The following SLC8A2 variants were observed in gnomAD, a reference collection of about 807,000 sequenced individuals.
The protein encoded by SLC8A2 is solute carrier family 8 member A2.
In SLC8A2, 14 loss-of-function variants were observed where a neutral mutation model predicts 70.2. The ratio of observed to expected loss-of-function variants is 0.20; its 90% CI spans 0.13 to 0.31. SLC8A2 has a LOEUF of 0.31. SLC8A2 is among the 10% of genes least tolerant of loss of function. The pLI is 1.00. For synonymous variants in SLC8A2, 575 were observed against 594.3 expected, an observed-to-expected ratio of 0.97 and a Z score of 0.47; for missense variants, 779 against 1,320.1, an observed-to-expected ratio of 0.59 and a Z score of 6.35.
chr19:47,431,853 C>A (rs567459209), intron 9 of SLC8A2, among the ~76,000 whole-genome samples: 1 of 152,110 alleles, frequency 6.6e-6, no homozygotes, highest in Admixed American at 6.5e-5. Flanking sequence ...TTCCTAGGAA[C>A]CCCTCTCCCC....
intron 1 of SLC8A2, among the ~76,000 whole-genome samples, chr19:47,469,422 C>T (rs1334628593): frequency 2.0e-5 from 3 of 152,120 alleles, no homozygotes; most frequent in Admixed American, 6.5e-5. Context: ...GAGGAAGCCT[C>T]GGCCTGGGAA....
At chr19:47,439,617 TCTTCCTTCCTTC>T (rs149487413) in intron 6 of SLC8A2, among the ~76,000 whole-genome samples, 1 of 145,812 alleles carries the variant, frequency 6.9e-6, no homozygotes, top group African/African-American at 2.6e-5. Flanking sequence ...TTCCTTCCTT[TCTTCCTTCCTTC>T]CTTCCTTCCT....
chr19:47,439,100 G>A lies in SLC8A2; in HGVS notation c.1886-1127C>T, dbSNP rs2122619123. Among the ~76,000 whole-genome samples the A allele has an allele frequency of 2.0e-5, 3 of 152,136 alleles. No individual in the cohort carries two copies. In the East Asian group the frequency reaches 5.8e-4, roughly 29 times the overall value. On this transcript the variant is annotated intron_variant, in intron 6 of 9. Coordinates refer to ENST00000236877, the MANE Select transcript of SLC8A2 (RefSeq NM_015063.3). The stretch of plus-strand genomic sequence containing the variant: ...CCCGAAAACCTCCCATGTGAGCCTC[G>A]AAACTCTCTTGCCCTGTTCACCAGC...
chr19:47,443,040 G>A (rs557760131), intron 4 of SLC8A2, among the ~76,000 whole-genome samples: 11 of 152,102 alleles, frequency 7.2e-5, no homozygotes, highest in Admixed American at 3.9e-4. Flanking sequence ...TTTATTGTTC[G>A]TCATTTACCA....
intron 8 of SLC8A2, among the ~76,000 whole-genome samples, chr19:47,436,341 G>C (rs544490941): frequency 2.0e-5 from 3 of 152,130 alleles, no homozygotes; most frequent in Non-Finnish European, 2.9e-5. Flanking sequence ...TCCTGCACTG[G>C]GCTGTAAGCT....
chr19:47,470,670 G>A (rs1020745758), intron 1 of SLC8A2, among the ~76,000 whole-genome samples: 1 of 152,188 alleles, frequency 6.6e-6, no homozygotes. Flanking sequence ...TGGACAAACA[G>A]CAAGAGGTAT....
chr19:47,446,519 G>A (rs1467801961), intron 4 of SLC8A2, among the ~76,000 whole-genome samples: 2 of 152,176 alleles, frequency 1.3e-5, no homozygotes, highest in East Asian at 3.9e-4. Flanking sequence ...CACCTAACTC[G>A]TGGGCTCAAG....
At chr19:47,439,442 G>A (rs1178843078) in intron 6 of SLC8A2, among the ~76,000 whole-genome samples, 1 of 152,118 alleles carries the variant, frequency 6.6e-6, no homozygotes, top group Non-Finnish European at 1.5e-5. Context: ...TGAGGCAGGA[G>A]AATCTCTTGA....
chr19:47,458,154 T>C (rs1433878605), intron 2 of SLC8A2, among the ~76,000 whole-genome samples: 1 of 151,814 alleles, frequency 6.6e-6, no homozygotes, highest in Non-Finnish European at 1.5e-5. Context: ...TCTTTGTTCA[T>C]CTCTGCCTCT....
At position 47,447,719 on chromosome 19, in the gene SLC8A2, A is replaced by G; in HGVS notation, c.1763+90T>C. 3 of 1,328,528 alleles carry G rather than the reference A, an allele frequency of 2.3e-6. No homozygotes were observed. Among genetic ancestry groups the G allele is most frequent in the African/African-American group, 1.6e-5 (1 of 64,206 alleles). 82.3% of individuals were successfully genotyped at this position (1,328,528 alleles called of 1,614,324 possible). A position where few individuals can be genotyped will look rare whatever the true frequency, so the allele number is the denominator to read the frequency against. On this transcript the variant is annotated intron_variant, in intron 4 of 9. Coordinates refer to ENST00000236877, the MANE Select transcript of SLC8A2 (RefSeq NM_015063.3). This position sits in a 1 kb window ranked among gnomAD's most constrained non-coding sequence, Gnocchi z 5.1. ...ACCAAGACCCGCCCACTATGTGGGC[A>G]TGGCTCACCCAGGCCCCGCCCCTGA...
intron 4 of SLC8A2, among the ~76,000 whole-genome samples, chr19:47,445,754 G>A (rs539008945): frequency 6.6e-6 from 1 of 152,288 alleles, no homozygotes; most frequent in African/African-American, 2.4e-5. Context: ...GGACAGGGCC[G>A]TAAGGTTGCA....
At chr19:47,457,805 CCTTT>C (rs1279901546) in intron 2 of SLC8A2, among the ~76,000 whole-genome samples, 7 of 143,840 alleles carry the variant, frequency 4.9e-5, no homozygotes, top group South Asian at 4.4e-4. Context: ...TCTCTTCCTT[CCTTT>C]CTTCCTTCTT....
chr19:47,441,482 GC>G (rs766919484), intron 4 of SLC8A2, 42 bp from the exon 5 acceptor site: 8 of 1,248,382 alleles, frequency 6.4e-6, no homozygotes, highest in South Asian at 6.3e-5. Flanking sequence ...TCAGTGTAAG[GC>G]CCCCTCCCCA....
Position 47,441,318 on chromosome 19 carries a change from C to A in SLC8A2, c.1867+19G>T, listed in dbSNP as rs748585179. The A allele has an allele frequency of 6.3e-7, 1 of 1,596,322 alleles. No homozygotes were observed. Among genetic ancestry groups the A allele is most frequent in the East Asian group, 2.2e-5 (1 of 44,810 alleles). ...CCTGGACCCCTTACTTCTCCCACAG[C>A]CCACTGGTCACCCCTCACCTGAAAT... On this transcript the variant is annotated intron_variant, in intron 5 of 9. Transcript: ENST00000236877.
chr19:47,447,443 C>G lies in SLC8A2; in HGVS notation c.1763+366G>C. The G allele has an allele frequency of 3.2e-6, 1 of 307,824 alleles. No individual in the cohort carries two copies. The highest frequency in any genetic ancestry group is 6.1e-6 in the Non-Finnish European group (1 of 164,402). The allele number at this position is 307,824 out of a possible 1,614,324, so 19.1% of individuals were successfully genotyped here. On this transcript the variant is annotated intron_variant, in intron 4 of 9. Coordinates refer to ENST00000236877, the MANE Select transcript of SLC8A2 (RefSeq NM_015063.3). The surrounding 1 kb of genome is among the most constrained non-coding windows in gnomAD (Gnocchi z 5.1). ...GGGGCCCTCTTCTCACCTGTCCGGC[C>G]ACCCTTCTAGGCCTCGCCTCTTCAT...
chr19:47,435,674 G>A (rs1198054785), intron 8 of SLC8A2, among the ~76,000 whole-genome samples: 1 of 151,266 alleles, frequency 6.6e-6, no homozygotes, highest in East Asian at 1.9e-4. Flanking sequence ...TCAGCCTCCT[G>A]AGTACCTAGG....
intron 6 of SLC8A2, among the ~76,000 whole-genome samples, chr19:47,438,425 C>A (rs1220456170): frequency 1.3e-5 from 2 of 152,044 alleles, no homozygotes; most frequent in Non-Finnish European, 2.9e-5. Flanking sequence ...ATCGTTGCCA[C>A]CCTGATAGGG....
At chr19:47,440,571 T>C (rs1027890792) in intron 6 of SLC8A2, among the ~76,000 whole-genome samples, 2 of 151,080 alleles carry the variant, frequency 1.3e-5, no homozygotes, top group African/African-American at 2.4e-5. Flanking sequence ...GGATTCCAGA[T>C]GCCTGTCATC....
chr19:47,451,005 C>CTT (rs71180844), intron 3 of SLC8A2, among the ~76,000 whole-genome samples: 240 of 80,212 alleles, frequency 3.0e-3, no homozygotes, highest in South Asian at 7.1e-3. Context: ...GTAGCACTAT[C>CTT]TTTTTTTTTT....
Sources: allele counts gnomAD v4.1 joint callset (sites outside exome capture counted in the v4.1 genomes callset), GRCh38; gene constraint gnomAD v4.1.1; non-coding constraint Gnocchi (gnomAD v3.1); transcripts MANE v1.5; gene names NCBI Gene and HGNC (gene_info 2026-07-23, HGNC 2026-07-21).